RB1CC1: variants seen among roughly 807,000 people sequenced by gnomAD.
RB1CC1 encodes the protein RB1-inducible coiled-coil protein 1.
RB1CC1 carries 46 observed loss-of-function variants against 177.5 expected under a neutral mutation model. The ratio of observed to expected loss-of-function variants is 0.26; its 90% CI spans 0.20 to 0.33. The LOEUF is 0.33. RB1CC1 is among the 10% of genes least tolerant of loss of function. The pLI, the probability that RB1CC1 is intolerant of heterozygous loss-of-function variation, is 1.00. For synonymous variants in RB1CC1, 666 were observed against 613.6 expected, an observed-to-expected ratio of 1.09 and a Z score of -1.26; for missense variants, 1,703 against 1,816.3, an observed-to-expected ratio of 0.94 and a Z score of 1.13.
intron 7 of RB1CC1, among the ~76,000 whole-genome samples, chr8:52,671,737 G>A (rs1223463993): frequency 2.6e-5 from 4 of 151,886 alleles, no homozygotes; most frequent in Non-Finnish European, 4.4e-5. Flanking sequence ...TGGCATACAC[G>A]TGCAGCATGT....
chr8:52,656,420 T>C lies in RB1CC1; in HGVS notation c.3409A>G (p.Ile1137Val). The C allele has an allele frequency of 6.2e-7, 1 of 1,611,644 alleles. No individual in the cohort carries two copies. The highest frequency in any genetic ancestry group is 8.5e-7 in the Non-Finnish European group (1 of 1,179,604). Residue 1137 changes from isoleucine to valine, a missense_variant, in exon 15 of 24, where the codon ATT becomes GTT. Around this residue, in one of 6 missense-constraint regions of RB1CC1, gnomAD observed 1,169 missense variants for 1,184.7 expected, o/e 0.99. Coordinates refer to ENST00000025008, the MANE Select transcript of RB1CC1 (RefSeq NM_014781.5). Reference sequence around the variant, plus strand: ...TCATGTCTACTAATTAACTCGGAAATACACTGATCTTTTTCAATTGTCATT... The same window carrying C: ...TCATGTCTACTAATTAACTCGGAAACACACTGATCTTTTTCAATTGTCATT... ...TLMTIEKDQCISELISRHEEE... is the reference protein window; with the variant it reads ...TLMTIEKDQCVSELISRHEEE...
At position 52,686,838 on chromosome 8, in the gene RB1CC1, G is replaced by A. The variant is rs1854315358; in HGVS notation, c.-52+15C>T. On this transcript the variant is annotated intron_variant, in intron 2 of 23. Coordinates refer to ENST00000025008, the MANE Select transcript of RB1CC1 (RefSeq NM_014781.5). ...TAGATTAAACTCTGCTATACAGGTA[G>A]AAACTGTGACTTACCGTCAGGCACT... 6.7e-6 allele frequency: 3 copies of A among 445,602 alleles called. No individual in the cohort carries two copies. The highest frequency in any genetic ancestry group is 6.1e-5 in the African/African-American group (3 of 49,128). The allele number at this position is 445,602 out of a possible 1,614,324, so 27.6% of individuals were successfully genotyped here. A position where few individuals can be genotyped will look rare whatever the true frequency, so the allele number is the denominator to read the frequency against.
chr8:52,652,918 G>A (rs772614886), intron 15 of RB1CC1, among the ~76,000 whole-genome samples: 13 of 152,190 alleles, frequency 8.5e-5, no homozygotes, highest in African/African-American at 2.6e-4. Context: ...TTAGCCAGGC[G>A]TGGTGGTACA....
At chr8:52,710,777 A>G (rs909003542) in intron 1 of RB1CC1, among the ~76,000 whole-genome samples, 1 of 152,218 alleles carries the variant, frequency 6.6e-6, no homozygotes, top group Non-Finnish European at 1.5e-5. Flanking sequence ...ATGTAGAATT[A>G]GCTGCATTCT....
intron 1 of RB1CC1, among the ~76,000 whole-genome samples, chr8:52,703,692 CATAA>C (rs1361129560): frequency 1.3e-5 from 2 of 152,194 alleles, no homozygotes; most frequent in Admixed American, 6.5e-5. Flanking sequence ...GTATTCAGAA[CATAA>C]ATAAATGCCC....
intron 15 of RB1CC1, 122 bp downstream of exon 15, chr8:52,655,886 A>C: frequency 2.7e-6 from 2 of 742,554 alleles, no homozygotes; most frequent in South Asian, 5.3e-5. Context: ...TTTTTACTTC[A>C]TGAAAATACC....
At chr8:52,710,755 A>G (rs111278358) in intron 1 of RB1CC1, among the ~76,000 whole-genome samples, 48 of 152,134 alleles carry the variant, frequency 3.2e-4, no homozygotes, top group East Asian at 9.6e-4. Context: ...GAAAATGGGG[A>G]AAAAAAAGAA....
At chr8:52,645,486 T>C (rs1444332114) in intron 16 of RB1CC1, among the ~76,000 whole-genome samples, 2 of 152,198 alleles carry the variant, frequency 1.3e-5, no homozygotes, top group Admixed American at 6.5e-5. Flanking sequence ...ATGTGACATG[T>C]TAACATGAAA....
chr8:52,710,687 AAACT>A (rs1393858174), intron 1 of RB1CC1, among the ~76,000 whole-genome samples: 13 of 152,300 alleles, frequency 8.5e-5, no homozygotes, highest in Non-Finnish European at 1.6e-4. Flanking sequence ...TTTATAACGG[AAACT>A]AACAGTAAAA....
intron 1 of RB1CC1, among the ~76,000 whole-genome samples, chr8:52,689,053 C>G (rs1854568987): frequency 6.6e-6 from 1 of 152,158 alleles, no homozygotes; most frequent in Non-Finnish European, 1.5e-5. Flanking sequence ...CTGCTGCTAC[C>G]ACCACTGTTG....
rs57977265 is a variant in RB1CC1 at position 52,630,530 on chromosome 8, TAA to T, written c.4441-4_4441-3del. ...TACTGAAGACATGCTCTGAGACATCTAAAAAAAAAAAAAAAGTTTATGAACTT... is the reference window on the plus strand; with the variant it reads ...TACTGAAGACATGCTCTGAGACATCTAAAAAAAAAAAAAGTTTATGAACTT... On this transcript the variant is annotated splice_region_variant and splice_polypyrimidine_tract_variant and intron_variant, in intron 20 of 23. Coordinates refer to ENST00000025008, the MANE Select transcript of RB1CC1 (RefSeq NM_014781.5). The T allele has an allele frequency of 2.9e-3, 4,061 of 1,377,960 alleles. No homozygotes were observed. The highest frequency in any genetic ancestry group is 9.2e-3 in the Admixed American group (323 of 35,116). 85.4% of individuals were successfully genotyped at this position (1,377,960 alleles called of 1,614,324 possible). A position where few individuals can be genotyped will look rare whatever the true frequency, so the allele number is the denominator to read the frequency against.
chr8:52,628,070 T>C lies in RB1CC1; in HGVS notation c.4598A>G (p.Glu1533Gly). 1 of 1,606,294 alleles carries C rather than the reference T, an allele frequency of 6.2e-7. No individual in the cohort carries two copies. Among genetic ancestry groups the C allele is most frequent in the South Asian group, 1.1e-5 (1 of 90,144 alleles). ...TTTGAGATCCAGGGCAGGTAGAGAC[T>C]CTGAATGTAGAAAATATAAAGTAGG... Reference protein sequence around the residue: ...VSPTLYFLHSESLPALDLKPG... With the variant: ...VSPTLYFLHSGSLPALDLKPG... The change falls in exon 22 of 24, where the codon GAG becomes GGG. Residue 1533 changes from glutamate (E) to glycine (G), a missense_variant. Glu to Gly is a moderately conservative substitution (Grantham distance 98). This residue lies in a region of RB1CC1 where 70 missense variants were observed against 118.0 expected (regional missense o/e 0.59). Transcript: ENST00000025008.
chr8:52,673,757 TACCCATTCTCTC>T, intron 7 of RB1CC1, 76 bp downstream of exon 7: 1 of 1,224,206 alleles, frequency 8.2e-7, no homozygotes, highest in Non-Finnish European at 1.1e-6. Context: ...TAAAAGGTAA[TACCCATTCTCTC>T]AGTACATAAA....
rs202086543 is a variant in RB1CC1 at position 52,636,090 on chromosome 8, G to C, written c.4338-21C>G. 4.3e-5 allele frequency: 68 copies of C among 1,592,674 alleles called. No homozygotes were observed. The Admixed American group carries it at 1.2e-3, about 28-fold the overall frequency. Reference sequence around the variant, plus strand: ...TTTCTCTAAAAGTGAGAATAATTGAGTTTCAGTTTGAAATTCTAAACTTTA... The same window carrying C: ...TTTCTCTAAAAGTGAGAATAATTGACTTTCAGTTTGAAATTCTAAACTTTA... On this transcript the variant is annotated intron_variant, in intron 18 of 23. Transcript: ENST00000025008.
chr8:52,627,981 T>C (rs1358863983), intron 22 of RB1CC1, 51 bp downstream of exon 22: 4 of 1,454,926 alleles, frequency 2.7e-6, no homozygotes, highest in South Asian at 1.4e-5. Context: ...TCTTTACTTA[T>C]ATAATTTCCT....
intron 23 of RB1CC1, 74 bp downstream of exon 23, chr8:52,624,643 T>C (rs1226701511): frequency 8.3e-7 from 1 of 1,209,070 alleles, no homozygotes; most frequent in South Asian, 1.3e-5. Context: ...GCAGTGGTAA[T>C]GATTTCTATA....
At chr8:52,625,121 T>C (rs1004511471) in intron 22 of RB1CC1, among the ~76,000 whole-genome samples, 2 of 152,178 alleles carry the variant, frequency 1.3e-5, no homozygotes, top group Admixed American at 6.5e-5. Flanking sequence ...TAGTGCCATC[T>C]ATTGAAAGAA....
chr8:52,659,329 A>G (rs1851392768), intron 12 of RB1CC1, among the ~76,000 whole-genome samples: 1 of 152,134 alleles, frequency 6.6e-6, no homozygotes, highest in Non-Finnish European at 1.5e-5. Flanking sequence ...TATAATATTT[A>G]CCATGTTAAA....
intron 15 of RB1CC1, among the ~76,000 whole-genome samples, chr8:52,652,731 A>ATGCTAAAAT (rs1250403200): frequency 1.3e-5 from 2 of 152,130 alleles, no homozygotes; most frequent in Non-Finnish European, 2.9e-5. Context: ...TGACCTGCAA[A>ATGCTAAAAT]TGCTAAAATT....
Sources: gnomAD v4.1 joint callset for allele counts (sites outside exome capture counted in the v4.1 genomes callset) on GRCh38, gnomAD v4.1.1 for gene constraint, gnomAD v4.1.1 regional missense constraint, MANE v1.5 for transcripts, NCBI Gene and HGNC (gene_info 2026-07-23, HGNC 2026-07-21) for gene names.